ITPKB: variants seen among roughly 807,000 people sequenced by gnomAD.
The protein encoded by ITPKB is inositol-trisphosphate 3-kinase B.
In ITPKB, 13 loss-of-function variants were observed where a neutral mutation model predicts 69.4. The observed-to-expected ratio is 0.19, with a 90% confidence interval of 0.12 to 0.30. ITPKB has a LOEUF of 0.30. ITPKB is among the 10% of genes least tolerant of loss of function. The probability of loss-of-function intolerance (pLI) is 1.00; values close to 1 mark genes in which losing one functional copy is unlikely to be tolerated. For synonymous variants in ITPKB, 584 were observed against 513.7 expected (o/e 1.14, Z -1.85); for missense variants, 1,240 against 1,250.5 (o/e 0.99, Z 0.13).
At chr1:226,645,603 A>G (rs1144836) in intron 4 of ITPKB, among the ~76,000 whole-genome samples, 87,028 of 152,112 alleles carry the variant, frequency 0.57, 28,292 homozygotes, top group African/African-American at 0.89. Context: ...ATTATTCTCC[A>G]TGTGGTCACC....
chr1:226,688,743 A>G (rs1214361331), intron 2 of ITPKB, among the ~76,000 whole-genome samples: 2 of 152,144 alleles, frequency 1.3e-5, no homozygotes, highest in Admixed American at 6.5e-5. Context: ...CAATCTTTGT[A>G]CCCTTCTCTC....
At chr1:226,648,403 G>A (rs868119024) in intron 3 of ITPKB, among the ~76,000 whole-genome samples, 1 of 152,178 alleles carries the variant, frequency 6.6e-6, no homozygotes, top group South Asian at 2.1e-4. Flanking sequence ...GAAAGAGACT[G>A]GAAGAGACAG....
chr1:226,634,925 G>C lies in ITPKB; in HGVS notation c.2626-39C>G, dbSNP rs528476238. The C allele has an allele frequency of 4.2e-5, 64 of 1,535,982 alleles. No homozygotes were observed. Among genetic ancestry groups the C allele is most frequent in the Non-Finnish European group, 5.4e-5 (61 of 1,122,036 alleles). ...GGGGGTGAAGGGTGAGCTGAAGCCCGGGCCTCGCCCTCCCCACTGCGGCCC... is the reference window on the plus strand; with the variant it reads ...GGGGGTGAAGGGTGAGCTGAAGCCCCGGCCTCGCCCTCCCCACTGCGGCCC... On this transcript the variant is annotated intron_variant, in intron 7 of 7. Coordinates refer to ENST00000429204, the MANE Select transcript of ITPKB (RefSeq NM_002221.4). The surrounding 1 kb of genome is among the most constrained non-coding windows in gnomAD (Gnocchi z 6.3).
At chr1:226,669,785 C>T (rs909733690) in intron 2 of ITPKB, among the ~76,000 whole-genome samples, 3 of 151,770 alleles carry the variant, frequency 2.0e-5, no homozygotes, top group Admixed American at 6.5e-5. Flanking sequence ...AACCTGGCAA[C>T]ATACATATAA....
At chr1:226,640,898 G>A (rs554933175) in intron 5 of ITPKB, among the ~76,000 whole-genome samples, 13 of 152,318 alleles carry the variant, frequency 8.5e-5, no homozygotes, top group South Asian at 2.1e-4. Context: ...CGGAAGCTAC[G>A]TCTAAATGCC....
At chr1:226,688,560 C>A (rs1023717714) in intron 2 of ITPKB, among the ~76,000 whole-genome samples, 2 of 152,262 alleles carry the variant, frequency 1.3e-5, no homozygotes, top group Non-Finnish European at 2.9e-5. Context: ...CTCGGGGCCA[C>A]TGCCCAAAAT....
intron 4 of ITPKB, among the ~76,000 whole-genome samples, chr1:226,646,757 C>T (rs979744169): frequency 6.6e-5 from 10 of 152,168 alleles, no homozygotes; most frequent in African/African-American, 2.4e-4. Flanking sequence ...GGAAAGACCT[C>T]GATTCCCATC....
At chr1:226,717,174 C>T (rs1038996220) in intron 2 of ITPKB, among the ~76,000 whole-genome samples, 1 of 152,200 alleles carries the variant, frequency 6.6e-6, no homozygotes, top group African/African-American at 2.4e-5. Flanking sequence ...GGTACTCAAA[C>T]TAGTAGCAAT....
At chr1:226,701,058 T>C (rs1656625048) in intron 2 of ITPKB, among the ~76,000 whole-genome samples, 1 of 152,224 alleles carries the variant, frequency 6.6e-6, no homozygotes, top group Non-Finnish European at 1.5e-5. Flanking sequence ...CTTCTCACAA[T>C]GTCCCAGCTA....
Position 226,736,656 on chromosome 1 carries a change from C to T in ITPKB, c.803G>A (p.Gly268Asp). The T allele has an allele frequency of 6.2e-7, 1 of 1,613,426 alleles. No homozygotes were observed. Among genetic ancestry groups the T allele is most frequent in the Non-Finnish European group, 8.5e-7 (1 of 1,179,986 alleles). ...EKGIPASPRC[G>D]SPTAMEIDKR... ...GTCAATTTCCATAGCTGTGGGTGAG[C>T]CACAGCGGGGACTGGCAGGGATACC... The change falls in exon 2 of 8, where the codon GGC becomes GAC. Residue 268 changes from glycine (G) to aspartate (D), a missense_variant. By Grantham distance (94) the Gly-to-Asp change is moderately conservative. Coordinates refer to ENST00000429204, the MANE Select transcript of ITPKB (RefSeq NM_002221.4).
intron 2 of ITPKB, among the ~76,000 whole-genome samples, chr1:226,710,567 C>T (rs1054332632): frequency 2.0e-5 from 3 of 152,230 alleles, no homozygotes; most frequent in African/African-American, 4.8e-5. Context: ...CGTCTACTGC[C>T]GTCCTCTACC....
intron 7 of ITPKB, among the ~76,000 whole-genome samples, chr1:226,636,335 C>T (rs1013451222): frequency 5.3e-5 from 8 of 152,194 alleles, no homozygotes; most frequent in South Asian, 2.1e-4. Context: ...AAGAACATTC[C>T]GAGAAGGACC....
Position 226,735,557 on chromosome 1 carries a change from C to A in ITPKB, c.1902G>T (p.Leu634=). The change falls in exon 2 of 8, where the codon CTG becomes CTT. Residue 634 remains leucine, a synonymous_variant. Coordinates refer to ENST00000429204, the MANE Select transcript of ITPKB (RefSeq NM_002221.4). ...ERTLDPNSAF[L]HTLDQQKPRV... is the part of the protein sequence containing the mutation. ...TAGGTTTCTGCTGGTCCAGGGTATG[C>A]AGGAAGGCTGAGTTGGGGTCCAGGG... 6.5e-7 allele frequency: 1 copy of A among 1,545,198 alleles called. No homozygotes were observed. Among genetic ancestry groups the A allele is most frequent in the Non-Finnish European group, 8.7e-7 (1 of 1,144,912 alleles).
At chr1:226,721,250 A>AG (rs1657232522) in intron 2 of ITPKB, among the ~76,000 whole-genome samples, 1 of 144,908 alleles carries the variant, frequency 6.9e-6, no homozygotes, top group African/African-American at 2.5e-5. Flanking sequence ...CAGGAGGCTG[A>AG]GGCAGGAGAA....
Position 226,657,992 on chromosome 1 carries a change from C to T in ITPKB, c.1933-9221G>A, listed in dbSNP as rs183978765. Among the ~76,000 whole-genome samples, 343 of 152,334 alleles carry T rather than the reference C, an allele frequency of 2.3e-3. 1 individual carries two copies. Among genetic ancestry groups the T allele is most frequent in the Non-Finnish European group, 2.9e-3 (199 of 68,034 alleles). The stretch of plus-strand genomic sequence containing the variant: ...TTCCCAGAACGTCCTTACTGACACA[C>T]GCTCGGGGAAGGCACATCTAACAAA... On this transcript the variant is annotated intron_variant, in intron 2 of 7. Transcript: ENST00000429204.
At chr1:226,687,160 T>A (rs1656236483) in intron 2 of ITPKB, among the ~76,000 whole-genome samples, 1 of 152,188 alleles carries the variant, frequency 6.6e-6, no homozygotes, top group Non-Finnish European at 1.5e-5. Context: ...TATAGCGTCA[T>A]TTACACTTGG....
In ITPKB at chr1:226,648,223, C is replaced by T. The variant is rs573000866; in HGVS notation, c.2032+449G>A. ...GCAGGCTCCCTCAGGGCAGAAACTA[C>T]ATCTCCATTAATGCCGCAACCCCCA... On this transcript the variant is annotated intron_variant, in intron 3 of 7. Coordinates refer to ENST00000429204, the MANE Select transcript of ITPKB (RefSeq NM_002221.4). 4.6e-5 allele frequency among the ~76,000 whole-genome samples: 7 copies of T among 152,360 alleles called. No individual in the cohort carries two copies. The South Asian group carries it at 1.4e-3, about 32-fold the overall frequency.
chr1:226,658,324 C>G (rs911499798), intron 2 of ITPKB, among the ~76,000 whole-genome samples: 6 of 152,334 alleles, frequency 3.9e-5, no homozygotes, highest in African/African-American at 1.4e-4. Flanking sequence ...CAGCTGGGTA[C>G]AAGCCCAGGC....
At chr1:226,692,589 G>T (rs1656383952) in intron 2 of ITPKB, among the ~76,000 whole-genome samples, 1 of 152,116 alleles carries the variant, frequency 6.6e-6, no homozygotes, top group African/African-American at 2.4e-5. Flanking sequence ...CTAAACTTGG[G>T]CTCCAAAGCC....
Sources: allele counts gnomAD v4.1 joint callset (sites outside exome capture counted in the v4.1 genomes callset), GRCh38; gene constraint gnomAD v4.1.1; non-coding constraint Gnocchi (gnomAD v3.1); transcripts MANE v1.5; gene names NCBI Gene and HGNC (gene_info 2026-07-23, HGNC 2026-07-21).